NRXN3: variants seen among roughly 807,000 people sequenced by gnomAD.
The protein encoded by NRXN3 is neurexin III.
In NRXN3, 32 loss-of-function variants were observed where a neutral mutation model predicts 137.6. The observed-to-expected ratio is 0.23, with a 90% CI of 0.18 to 0.31. The LOEUF (loss-of-function observed/expected upper bound fraction) is 0.31, where lower values mean the gene tolerates loss of function less well. Ranked by LOEUF, NRXN3 falls within the 10% of genes least tolerant of loss-of-function variation. The pLI is 1.00. For missense variants in NRXN3, 1,574 were observed against 2,062.5 expected (o/e 0.76, Z 4.59); for synonymous variants, 798 against 784.5 (o/e 1.02, Z -0.29).
chr14:79,467,183 T>C (rs1227371958), intron 15 of NRXN3, 38 bp from the exon 16 acceptor site: 1 of 1,566,360 alleles, frequency 6.4e-7, no homozygotes, highest in East Asian at 2.3e-5. Context: ...GTATGCAATG[T>C]AGTGCCTTGA....
chr14:78,788,399 C>T (rs1271912791), intron 8 of NRXN3, among the ~76,000 whole-genome samples: 1 of 152,148 alleles, frequency 6.6e-6, no homozygotes, highest in African/African-American at 2.4e-5. Flanking sequence ...CTTCTTCATT[C>T]AGTTTTGCAC....
rs1182971672 is a variant in NRXN3, at chr14:78,645,016, C to G, written c.758-104C>G. On this transcript the variant is annotated intron_variant, in intron 4 of 20. Transcript: ENST00000335750. ...AGGGAGTGCTGTGTTGGTATCAGCA[C>G]AAGAACGGGGCAGTGCCCCTGCGGT... The G allele has an allele frequency of 1.6e-5, 16 of 1,017,414 alleles. 1 individual carries two copies. Among genetic ancestry groups the G allele is most frequent in the Non-Finnish European group, 2.1e-5 (15 of 718,104 alleles). The allele number at this position is 1,017,414 out of a possible 1,614,324, so 63.0% of individuals were successfully genotyped here.
intron 8 of NRXN3, among the ~76,000 whole-genome samples, chr14:78,778,776 CTT>C (rs1329475510): frequency 2.5e-4 from 26 of 102,664 alleles, no homozygotes; most frequent in African/African-American, 7.8e-4. Flanking sequence ...TTCTTTCTTT[CTT>C]TCTTTCTTTC....
intron 4 of NRXN3, among the ~76,000 whole-genome samples, chr14:78,547,661 A>T (rs1272465560): frequency 6.6e-6 from 1 of 151,808 alleles, no homozygotes; most frequent in Non-Finnish European, 1.5e-5. Flanking sequence ...TTATATATTT[A>T]TATTTTCTTT....
intron 15 of NRXN3, among the ~76,000 whole-genome samples, chr14:79,175,345 G>A (rs1267813924): frequency 6.6e-6 from 1 of 152,172 alleles, no homozygotes; most frequent in African/African-American, 2.4e-5. Flanking sequence ...AGTTTAACAA[G>A]ATCAGTGTGG....
chr14:78,794,147 G>A (rs549159078), intron 8 of NRXN3, among the ~76,000 whole-genome samples: 3 of 152,134 alleles, frequency 2.0e-5, no homozygotes, highest in East Asian at 3.9e-4. Flanking sequence ...TTGGGAGGCC[G>A]AGGCGGGTAG....
intron 16 of NRXN3, among the ~76,000 whole-genome samples, chr14:79,470,919 T>TGA (rs879935930): frequency 0.2 from 25,976 of 130,732 alleles, 1,809 homozygotes; most frequent in African/African-American, 0.25. Context: ...TGTGTGTGTG[T>TGA]GAGAGAGAGA....
At position 78,297,696 on chromosome 14, in the gene NRXN3, G is replaced by A. The variant is rs1233470324; in HGVS notation, c.728-135G>A. The stretch of plus-strand genomic sequence containing the variant: ...TGTGGAGTCTGACATGTGAGCAAGC[G>A]TGCGGCCCCTGTCACTCCTTTTTCC... On this transcript the variant is annotated intron_variant, in intron 3 of 20. Transcript: ENST00000335750. 2.7e-4 allele frequency: 184 copies of A among 692,216 alleles called. 1 individual carries two copies. In the East Asian group the frequency reaches 4.9e-3, roughly 19 times the overall value. The allele number at this position is 692,216 out of a possible 1,614,324, so 42.9% of individuals were successfully genotyped here.
intron 15 of NRXN3, among the ~76,000 whole-genome samples, chr14:79,238,841 A>G (rs1250177763): frequency 2.0e-5 from 3 of 152,126 alleles, no homozygotes; most frequent in Non-Finnish European, 4.4e-5. Flanking sequence ...CTAGCAACAG[A>G]TCCAGAGAAA....
intron 16 of NRXN3, among the ~76,000 whole-genome samples, chr14:79,594,231 A>G (rs1044314122): frequency 6.6e-6 from 1 of 152,198 alleles, no homozygotes; most frequent in African/African-American, 2.4e-5. Flanking sequence ...TAGGACATAA[A>G]TGCATTGATA....
At chr14:78,172,919 C>T (rs1227928010) in intron 1 of NRXN3, among the ~76,000 whole-genome samples, 1 of 151,992 alleles carries the variant, frequency 6.6e-6, no homozygotes, top group Non-Finnish European at 1.5e-5. Flanking sequence ...GGCGTTCTGG[C>T]CTCCGTTTTT....
chr14:78,818,088 C>T (rs1323522777), intron 10 of NRXN3, among the ~76,000 whole-genome samples: 1 of 151,698 alleles, frequency 6.6e-6, no homozygotes, highest in Non-Finnish European at 1.5e-5. Context: ...ACTCATATAA[C>T]TGTTTATCAA....
Position 79,094,975 on chromosome 14 carries a change from A to AGGT in NRXN3, c.3262+106835_3262+106836insGTG, listed in dbSNP as rs71131675. On this transcript the variant is annotated intron_variant, in intron 15 of 20. Coordinates refer to ENST00000335750, the MANE Select transcript of NRXN3 (RefSeq NM_001330195.2). Reference sequence around the variant, plus strand: ...GAGAGAGAGAGAGAGAGAGAGAGAGAGAGAGTGTGTGTGTGTGTGTGTGTG... The same window carrying AGGT: ...GAGAGAGAGAGAGAGAGAGAGAGAGAGGTGAGAGTGTGTGTGTGTGTGTGTGTG... Among the ~76,000 whole-genome samples, 4 of 88,796 alleles carry AGGT rather than the reference A, an allele frequency of 4.5e-5. No homozygotes were observed. In the East Asian group the frequency reaches 2.5e-3, roughly 55 times the overall value. 58.3% of individuals were successfully genotyped at this position (88,796 alleles called of 152,430 possible).
intron 4 of NRXN3, among the ~76,000 whole-genome samples, chr14:78,606,302 G>T (rs919765693): frequency 9.9e-5 from 15 of 152,176 alleles, no homozygotes; most frequent in African/African-American, 3.1e-4. Flanking sequence ...GCAAGGCCAT[G>T]CCCTCATCTG....
intron 1 of NRXN3, among the ~76,000 whole-genome samples, chr14:78,183,063 T>C (rs189301643): frequency 3.3e-5 from 5 of 152,224 alleles, no homozygotes; most frequent in Admixed American, 6.5e-5. Context: ...CCACAGTCCA[T>C]TGGCCTCTTG....
chr14:78,604,988 A>G (rs1016681004), intron 4 of NRXN3, among the ~76,000 whole-genome samples: 9 of 152,210 alleles, frequency 5.9e-5, no homozygotes, highest in Non-Finnish European at 1.0e-4. Context: ...TTTAGAAAAT[A>G]TATTGTCAGA....
At chr14:78,605,939 G>A (rs1368684561) in intron 4 of NRXN3, among the ~76,000 whole-genome samples, 1 of 152,132 alleles carries the variant, frequency 6.6e-6, no homozygotes, top group Non-Finnish European at 1.5e-5. Flanking sequence ...AAGTGTGCGA[G>A]TGTGTATACA....
At chr14:78,291,337 T>C (rs1320728902) in intron 3 of NRXN3, among the ~76,000 whole-genome samples, 1 of 152,218 alleles carries the variant, frequency 6.6e-6, no homozygotes, top group African/African-American at 2.4e-5. Flanking sequence ...AGATAACACA[T>C]AGCCATGTCT....
chr14:79,321,227 G>T (rs1393451908), intron 15 of NRXN3, among the ~76,000 whole-genome samples: 1 of 152,040 alleles, frequency 6.6e-6, no homozygotes, highest in Non-Finnish European at 1.5e-5. Context: ...TATGACTAAA[G>T]GTCCAGTGAA....
Sources: allele counts gnomAD v4.1 joint callset (sites outside exome capture counted in the v4.1 genomes callset), GRCh38; gene constraint gnomAD v4.1.1; transcripts MANE v1.5; gene names NCBI Gene and HGNC (gene_info 2026-07-23, HGNC 2026-07-21).